Variants in RPRD2 observed in about 807,000 individuals in gnomAD.
The protein encoded by RPRD2 is regulation of nuclear pre-mRNA domain containing 2.
In RPRD2, 12 loss-of-function variants were observed where a neutral mutation model predicts 104.4. The observed-to-expected ratio is 0.11, with a 90% CI of 0.07 to 0.19. RPRD2 has a LOEUF of 0.19. Ranked by LOEUF, RPRD2 falls within the 10% of genes least tolerant of loss-of-function variation. The pLI is 1.00. For missense variants in RPRD2, 1,543 were observed against 1,790.1 expected, an observed-to-expected ratio of 0.86 and a Z score of 2.49; for synonymous variants, 714 against 684.9, an observed-to-expected ratio of 1.04 and a Z score of -0.66.
chr1:150,413,243 G>A (rs1664075570), intron 1 of RPRD2, among the ~76,000 whole-genome samples: 1 of 152,136 alleles, frequency 6.6e-6, no homozygotes, highest in South Asian at 2.1e-4. Context: ...GGAGGAGAAG[G>A]AGTCAGAATT....
At position 150,446,277 on chromosome 1, in the gene RPRD2, A is replaced by G. The variant is rs781932443; in HGVS notation, c.746A>G (p.Lys249Arg). ...FSKEFEEASS[K>R]LEEFVNGLDK... is the part of the protein sequence containing the mutation. ...AAAGAATTTGAAGAGGCAAGCTCCAAGCTGGAAGAATTTGTGAATGGATTA... is the reference window on the plus strand; with the variant it reads ...AAAGAATTTGAAGAGGCAAGCTCCAGGCTGGAAGAATTTGTGAATGGATTA... The change falls in exon 7 of 11, where the codon AAG (lysine) becomes AGG (arginine). Residue 249 changes from lysine to arginine, a missense_variant. Around this residue, in one of 4 missense-constraint regions of RPRD2, gnomAD observed 572 missense variants for 787.3 expected, o/e 0.73. Coordinates refer to ENST00000369068, the MANE Select transcript of RPRD2 (RefSeq NM_015203.5). 1.7e-5 allele frequency: 28 copies of G among 1,608,412 alleles called. No homozygotes were observed. Among genetic ancestry groups the G allele is most frequent in the Non-Finnish European group, 2.0e-5 (24 of 1,178,470 alleles).
At chr1:150,400,476 C>T (rs1340242601) in intron 1 of RPRD2, among the ~76,000 whole-genome samples, 3 of 152,154 alleles carry the variant, frequency 2.0e-5, no homozygotes, top group Admixed American at 6.6e-5. Flanking sequence ...GATCATCAGG[C>T]GTTGTTCTTA....
At chr1:150,448,712 C>T (rs184662845) in intron 7 of RPRD2, among the ~76,000 whole-genome samples, 8 of 152,184 alleles carry the variant, frequency 5.3e-5, no homozygotes, top group Non-Finnish European at 1.5e-5. Context: ...TTTCTAAATT[C>T]TCCATCACAC....
At chr1:150,384,093 A>G (rs1286652300) in intron 1 of RPRD2, among the ~76,000 whole-genome samples, 1 of 152,126 alleles carries the variant, frequency 6.6e-6, no homozygotes, top group African/African-American at 2.4e-5. Context: ...AGTTTCTGGA[A>G]GGGGTGGGTA....
chr1:150,425,129 G>A (rs1377291425), intron 2 of RPRD2, among the ~76,000 whole-genome samples: 1 of 152,058 alleles, frequency 6.6e-6, no homozygotes, highest in Admixed American at 6.5e-5. Flanking sequence ...AATGAATCCA[G>A]TAATAGTACA....
At chr1:150,465,202 T>C (rs587637647) in intron 10 of RPRD2, among the ~76,000 whole-genome samples, 34 of 151,930 alleles carry the variant, frequency 2.2e-4, no homozygotes, top group African/African-American at 8.2e-4. Flanking sequence ...CAGGCTGGAG[T>C]GCAGTGGCCC....
chr1:150,427,116 G>C lies in RPRD2; in HGVS notation c.335+9391G>C, dbSNP rs944055565. On this transcript the variant is annotated intron_variant, in intron 2 of 10. Transcript: ENST00000369068. ...CCTGAGATCACGCCACTGCACTCCAGCTTGGGTGATACAGTGAGACTGAGT... is the reference window on the plus strand; with the variant it reads ...CCTGAGATCACGCCACTGCACTCCACCTTGGGTGATACAGTGAGACTGAGT... Among the ~76,000 whole-genome samples, 5 of 151,738 alleles carry C rather than the reference G, an allele frequency of 3.3e-5. No individual in the cohort carries two copies. The South Asian group carries it at 1.0e-3, about 31-fold the overall frequency.
At chr1:150,374,866 AAAG>A (rs1320972573) in intron 1 of RPRD2, among the ~76,000 whole-genome samples, 13 of 152,190 alleles carry the variant, frequency 8.5e-5, no homozygotes, top group Non-Finnish European at 1.9e-4. Context: ...TCAGCCCCCC[AAAG>A]AAGTAATAAA....
chr1:150,404,435 A>G (rs998350492), intron 1 of RPRD2, among the ~76,000 whole-genome samples: 15 of 152,050 alleles, frequency 9.9e-5, no homozygotes, highest in African/African-American at 3.6e-4. Context: ...TTTGGTAGAC[A>G]GGGTTTCACC....
At chr1:150,441,611 T>C (rs1553894458) in intron 3 of RPRD2, 1 of 310,904 alleles carries the variant, frequency 3.2e-6, no homozygotes, top group East Asian at 5.8e-5. Flanking sequence ...GTTAAATTCT[T>C]CATTTTAATT....
At chr1:150,397,225 C>T (rs1232500739) in intron 1 of RPRD2, among the ~76,000 whole-genome samples, 1 of 152,136 alleles carries the variant, frequency 6.6e-6, no homozygotes, top group Admixed American at 6.6e-5. Context: ...CCACCTGCCT[C>T]GGCCTCTGGA....
intron 1 of RPRD2, among the ~76,000 whole-genome samples, chr1:150,407,799 G>A (rs782421424): frequency 6.6e-5 from 10 of 152,162 alleles, no homozygotes; most frequent in Non-Finnish European, 1.3e-4. Flanking sequence ...AAGTGACACT[G>A]CCATTATTTG....
intron 7 of RPRD2, among the ~76,000 whole-genome samples, chr1:150,447,357 G>A (rs1385579247): frequency 1.4e-5 from 2 of 147,720 alleles, no homozygotes; most frequent in African/African-American, 2.5e-5. Context: ...TTTTTGAGAC[G>A]GAGTTTCCCT....
chr1:150,376,560 G>T (rs923164078), intron 1 of RPRD2, among the ~76,000 whole-genome samples: 5 of 151,518 alleles, frequency 3.3e-5, no homozygotes, highest in Admixed American at 2.0e-4. Flanking sequence ...GAGTGCAGTG[G>T]CGCCATCTCG....
intron 2 of RPRD2, among the ~76,000 whole-genome samples, chr1:150,422,385 A>AAAAT (rs59063372): frequency 0.6 from 87,701 of 147,262 alleles, 26,730 homozygotes; most frequent in African/African-American, 0.65. Context: ...ATTAAAATAA[A>AAAAT]AAAATAAAAC....
chr1:150,472,947 A>G lies in RPRD2; in HGVS notation c.3999A>G (p.Gln1333=), dbSNP rs764908666. 36 of 1,613,616 alleles carry G rather than the reference A, an allele frequency of 2.2e-5. No individual in the cohort carries two copies. Among genetic ancestry groups the G allele is most frequent in the Non-Finnish European group, 2.7e-5 (32 of 1,179,768 alleles). The change falls in exon 11 of 11, where the codon CAA becomes CAG. Residue 1333 remains glutamine, a synonymous_variant. Coordinates refer to ENST00000369068, the MANE Select transcript of RPRD2 (RefSeq NM_015203.5). ...CCAAGGACCATAGTTCCCTCCTTCA[A>G]GGGACCCTGGCTGAGCATTTTGGGG... ...VFPKDHSSLL[Q]GTLAEHFGVL... is the part of the protein sequence containing the mutation.
intron 1 of RPRD2, among the ~76,000 whole-genome samples, chr1:150,408,135 ATTTAT>A (rs1663623370): frequency 6.9e-6 from 1 of 145,504 alleles, no homozygotes; most frequent in African/African-American, 2.6e-5. Flanking sequence ...AGAAAATAAC[ATTTAT>A]TTTAAAATAT....
At chr1:150,384,991 C>T (rs587701680) in intron 1 of RPRD2, among the ~76,000 whole-genome samples, 2 of 152,130 alleles carry the variant, frequency 1.3e-5, no homozygotes, top group East Asian at 3.9e-4. Context: ...ATAGCCACTG[C>T]ACTCCAGCCT....
chr1:150,416,432 T>C (rs587643141), intron 1 of RPRD2, among the ~76,000 whole-genome samples: 25 of 152,112 alleles, frequency 1.6e-4, no homozygotes, highest in African/African-American at 6.0e-4. Context: ...TCACCGAATG[T>C]GAGGTCAAGG....
Sources: allele counts gnomAD v4.1 joint callset (sites outside exome capture counted in the v4.1 genomes callset), GRCh38; gene constraint gnomAD v4.1.1; regional missense constraint gnomAD v4.1.1; transcripts MANE v1.5; gene names NCBI Gene and HGNC (gene_info 2026-07-23, HGNC 2026-07-21).